Variants in SLC35F5 observed in about 807,000 individuals in gnomAD.
SLC35F5 encodes HCV NS5A-transactivated protein 3.
Under a neutral mutation model 68.6 loss-of-function variants are expected in SLC35F5, and 54 were observed. The observed-to-expected ratio is 0.79, with a 90% confidence interval of 0.63 to 0.99. The LOEUF is 0.99. Ranked by LOEUF, SLC35F5 falls within the 50% of genes least tolerant of loss-of-function variation. SLC35F5 has a pLI of 0.00. For synonymous variants in SLC35F5, 211 were observed against 205.2 expected (o/e 1.03, Z -0.24); for missense variants, 567 against 626.9 (o/e 0.90, Z 1.02).
At chr2:113,725,819 T>G (rs1687639791) in intron 11 of SLC35F5, 2 of 247,924 alleles carry the variant, frequency 8.1e-6, no homozygotes, top group Non-Finnish European at 1.5e-5. Context: ...CAAGAAGGGT[T>G]GTTAACCTTA....
At chr2:113,755,818 G>A (rs1023685366) in intron 1 of SLC35F5, 43 of 1,536,104 alleles carry the variant, frequency 2.8e-5, no homozygotes, top group Non-Finnish European at 3.8e-5. Flanking sequence ...CCAGAAAATA[G>A]CTTCTCTGAG....
At chr2:113,727,707 T>A (rs1462789936) in intron 11 of SLC35F5, among the ~76,000 whole-genome samples, 1 of 152,058 alleles carries the variant, frequency 6.6e-6, no homozygotes, top group Non-Finnish European at 1.5e-5. Context: ...GCCCCCAACA[T>A]CCCAATCCTA....
chr2:113,717,548 G>A, intron 15 of SLC35F5: 1 of 376,228 alleles, frequency 2.7e-6, no homozygotes. Flanking sequence ...TCACAAATAA[G>A]AAAGCTGGAG....
intron 5 of SLC35F5, among the ~76,000 whole-genome samples, chr2:113,744,526 C>T (rs1235252413): frequency 2.0e-5 from 3 of 152,058 alleles, no homozygotes; most frequent in African/African-American, 7.2e-5. Context: ...CTGAGGCGGG[C>T]AGATCACTTG....
intron 13 of SLC35F5, 154 bp from the exon 14 acceptor site, chr2:113,719,462 T>C: frequency 5.3e-6 from 3 of 571,194 alleles, no homozygotes; most frequent in East Asian, 6.6e-5. Context: ...TGTATTATTA[T>C]TAAATAAGAA....
chr2:113,731,527 C>G, intron 10 of SLC35F5, 57 bp downstream of exon 10: 1 of 1,354,158 alleles, frequency 7.4e-7, no homozygotes, highest in African/African-American at 1.4e-5. Context: ...CACATGAGCA[C>G]GCACATGTAA....
rs761240081 is a variant in SLC35F5, at chr2:113,755,157, G to T, written c.273+8C>A. 6.2e-7 allele frequency: 1 copy of T among 1,613,504 alleles called. No individual in the cohort carries two copies. Among genetic ancestry groups the T allele is most frequent in the East Asian group, 2.2e-5 (1 of 44,872 alleles). ...ATGTAACATCATTCCTGGACCAAAG[G>T]TACATACCGAAGTAAGTTCAGAGGA... On this transcript the variant is annotated splice_region_variant and intron_variant, in intron 3 of 15. Transcript: ENST00000245680.
intron 13 of SLC35F5, among the ~76,000 whole-genome samples, chr2:113,721,927 A>T (rs1056345498): frequency 1.3e-5 from 2 of 151,722 alleles, no homozygotes; most frequent in African/African-American, 2.4e-5. Context: ...GAATTATTTT[A>T]TAAATAAAGA....
downstream of SLC35F5, among the ~76,000 whole-genome samples, chr2:113,704,470 G>A (rs1686759886): frequency 6.6e-6 from 1 of 152,224 alleles, no homozygotes; most frequent in South Asian, 2.1e-4. Context: ...CCGCGGAGCA[G>A]GGGGCGCTCT....
intron 3 of SLC35F5, among the ~76,000 whole-genome samples, chr2:113,752,868 T>C (rs1421991637): frequency 6.6e-6 from 1 of 152,194 alleles, no homozygotes; most frequent in Admixed American, 6.5e-5. Flanking sequence ...ACTATGTTAA[T>C]GGCATAGTGA....
At chr2:113,724,925 A>G (rs1428765395) in intron 12 of SLC35F5, among the ~76,000 whole-genome samples, 2 of 152,172 alleles carry the variant, frequency 1.3e-5, no homozygotes, top group Non-Finnish European at 2.9e-5. Context: ...AAAGGTTCTG[A>G]AAATAAATAA....
intron 3 of SLC35F5, among the ~76,000 whole-genome samples, chr2:113,752,196 G>C (rs1676772965): frequency 7.5e-6 from 1 of 132,832 alleles, no homozygotes; most frequent in African/African-American, 2.9e-5. Context: ...TGGGTGACAA[G>C]AGCAAAACTC....
chr2:113,743,846 T>C, intron 5 of SLC35F5, 52 bp from the exon 6 acceptor site: 1 of 1,455,570 alleles, frequency 6.9e-7, no homozygotes, highest in South Asian at 1.3e-5. Flanking sequence ...GCTAACATAG[T>C]GGTTAAAATT....
At chr2:113,755,396 A>C in intron 2 of SLC35F5, 58 bp downstream of exon 2, 1 of 1,602,784 alleles carries the variant, frequency 6.2e-7, no homozygotes, top group East Asian at 2.2e-5. Flanking sequence ...GAAACATTTG[A>C]CTTTTGTTAG....
Position 113,755,436 on chromosome 2 carries a change from G to C in SLC35F5, c.131+18C>G, listed in dbSNP as rs1676935900. On this transcript the variant is annotated intron_variant, in intron 2 of 15. Coordinates refer to ENST00000245680, the MANE Select transcript of SLC35F5 (RefSeq NM_025181.5). ...TGTTCAGTGTGAAAGTTACATAGAG[G>C]ATAAACGTGGAATCTACCTTGTCTT... The C allele has an allele frequency of 6.2e-7, 1 of 1,612,786 alleles. No individual in the cohort carries two copies.
chr2:113,740,695 C>T (rs1355227462), intron 7 of SLC35F5, among the ~76,000 whole-genome samples: 8 of 151,982 alleles, frequency 5.3e-5, no homozygotes, highest in Non-Finnish European at 8.8e-5. Context: ...GGCGCCGTAT[C>T]GGCTCACTGC....
At chr2:113,727,927 A>T (rs1172919879) in intron 11 of SLC35F5, among the ~76,000 whole-genome samples, 1 of 152,204 alleles carries the variant, frequency 6.6e-6, no homozygotes, top group Non-Finnish European at 1.5e-5. Flanking sequence ...ACACTAAAAA[A>T]AACTAGCATT....
intron 8 of SLC35F5, among the ~76,000 whole-genome samples, chr2:113,735,110 A>C (rs950375346): frequency 6.6e-6 from 1 of 152,236 alleles, no homozygotes; most frequent in African/African-American, 2.4e-5. Context: ...ATAAGCAATT[A>C]CATTTTAGCC....
chr2:113,751,347 G>T (rs891825632), intron 3 of SLC35F5, among the ~76,000 whole-genome samples: 2 of 151,848 alleles, frequency 1.3e-5, no homozygotes, highest in East Asian at 1.9e-4. Flanking sequence ...CTGTTTTTTT[G>T]TTTGTTTGTT....
Sources: gnomAD v4.1 joint callset for allele counts (sites outside exome capture counted in the v4.1 genomes callset) on GRCh38, gnomAD v4.1.1 for gene constraint, MANE v1.5 for transcripts, NCBI Gene and HGNC (gene_info 2026-07-23, HGNC 2026-07-21) for gene names.